The following TSHZ3 variants were observed in gnomAD, a reference collection of about 807,000 sequenced individuals.
The protein encoded by TSHZ3 is teashirt homolog 3.
A neutral mutation model predicts 64.5 loss-of-function variants in TSHZ3; 10 were observed. That is an observed-to-expected ratio of 0.16 (90% CI 0.10 to 0.26). The LOEUF is 0.26. TSHZ3 is among the 10% of genes least tolerant of loss of function. TSHZ3 has a pLI of 1.00. For missense variants in TSHZ3, 1,242 were observed against 1,421.7 expected, an observed-to-expected ratio of 0.87 and a Z score of 2.03; for synonymous variants, 608 against 593.1, an observed-to-expected ratio of 1.03 and a Z score of -0.36.
intron 1 of TSHZ3, among the ~76,000 whole-genome samples, chr19:31,328,335 C>T (rs1243815818): frequency 6.6e-6 from 1 of 152,234 alleles, no homozygotes; most frequent in Non-Finnish European, 1.5e-5. Context: ...TGGGTGTGTG[C>T]ATATAGCATC....
chr19:31,222,510 C>T (rs1223978087), intron 4 of TSHZ3, among the ~76,000 whole-genome samples: 1 of 152,182 alleles, frequency 6.6e-6, no homozygotes, highest in Admixed American at 6.5e-5. Context: ...TCTTCCTGTT[C>T]CCCAGTACTA....
intron 1 of TSHZ3, among the ~76,000 whole-genome samples, chr19:31,262,512 G>GT (rs1975992764): frequency 6.6e-6 from 1 of 152,064 alleles, no homozygotes; most frequent in South Asian, 2.1e-4. Context: ...AGTAAGATAG[G>GT]TTTTTAATGT....
chr19:31,241,027 C>A (rs1010393582), intron 3 of TSHZ3, among the ~76,000 whole-genome samples: 1 of 152,128 alleles, frequency 6.6e-6, no homozygotes, highest in Non-Finnish European at 1.5e-5. Context: ...ATTATATTTT[C>A]TTTATCCCTG....
chr19:31,238,250 C>T (rs565815345), intron 3 of TSHZ3, among the ~76,000 whole-genome samples: 5 of 148,408 alleles, frequency 3.4e-5, no homozygotes, highest in Non-Finnish European at 7.4e-5. Flanking sequence ...ATGTTTCCTT[C>T]GTGAATTTTT....
intron 4 of TSHZ3, among the ~76,000 whole-genome samples, chr19:31,214,357 A>T (rs1418709626): frequency 1.3e-5 from 2 of 152,228 alleles, no homozygotes; most frequent in Non-Finnish European, 2.9e-5. Flanking sequence ...TGCGCCAGCC[A>T]AGAGGAGCTA....
chr19:31,175,190 C>T (rs1974590479), intron 5 of TSHZ3, among the ~76,000 whole-genome samples: 1 of 152,166 alleles, frequency 6.6e-6, no homozygotes, highest in South Asian at 2.1e-4. Context: ...AGACACAGGT[C>T]AGTTTCCTGC....
intron 1 of TSHZ3, among the ~76,000 whole-genome samples, chr19:31,289,092 T>C (rs1466647633): frequency 1.3e-5 from 2 of 152,220 alleles, no homozygotes; most frequent in Non-Finnish European, 2.9e-5. Flanking sequence ...AAAGGACTTT[T>C]CTAAGTTAAA....
intron 1 of TSHZ3, among the ~76,000 whole-genome samples, chr19:31,312,797 G>A (rs1347897466): frequency 6.6e-6 from 1 of 152,090 alleles, no homozygotes; most frequent in East Asian, 1.9e-4. Context: ...GGTGCTATTG[G>A]TCTTTAACAC....
chr19:31,151,807 G>A (rs553903129), intron 6 of TSHZ3, among the ~76,000 whole-genome samples: 29 of 152,264 alleles, frequency 1.9e-4, no homozygotes, highest in East Asian at 5.8e-4. Flanking sequence ...TGAGACTGGC[G>A]TTATCAATGG....
chr19:31,202,383 G>T (rs1025352890), intron 5 of TSHZ3, among the ~76,000 whole-genome samples: 5 of 151,990 alleles, frequency 3.3e-5, no homozygotes, highest in Non-Finnish European at 5.9e-5. Context: ...ACATATATGT[G>T]TATATCAATA....
intron 5 of TSHZ3, among the ~76,000 whole-genome samples, chr19:31,189,437 T>G (rs1321088528): frequency 6.6e-6 from 1 of 152,028 alleles, no homozygotes; most frequent in East Asian, 1.9e-4. Flanking sequence ...GGTTGTATTT[T>G]CATTGTCAAT....
intron 5 of TSHZ3, among the ~76,000 whole-genome samples, chr19:31,189,968 C>G (rs1974876282): frequency 6.6e-6 from 1 of 152,062 alleles, no homozygotes; most frequent in Non-Finnish European, 1.5e-5. Flanking sequence ...CTTCTTAATA[C>G]AAGTAATAGC....
intron 1 of TSHZ3, among the ~76,000 whole-genome samples, chr19:31,344,811 G>A (rs949147187): frequency 6.6e-6 from 1 of 152,184 alleles, no homozygotes; most frequent in Non-Finnish European, 1.5e-5. Flanking sequence ...CTGAGCAGTC[G>A]CCTTTCATTC....
At chr19:31,237,023 C>G (rs955480228) in intron 3 of TSHZ3, among the ~76,000 whole-genome samples, 1 of 150,280 alleles carries the variant, frequency 6.7e-6, no homozygotes, top group Non-Finnish European at 1.5e-5. Flanking sequence ...GTGGCACATG[C>G]CTCTAATCCC....
At chr19:31,335,372 T>A (rs114884202) in intron 1 of TSHZ3, among the ~76,000 whole-genome samples, 1 of 152,148 alleles carries the variant, frequency 6.6e-6, no homozygotes, top group Non-Finnish European at 1.5e-5. Context: ...AATGGCCAGG[T>A]CTCACGGAAG....
intron 1 of TSHZ3, among the ~76,000 whole-genome samples, chr19:31,294,266 A>G (rs1267042348): frequency 6.6e-6 from 1 of 152,158 alleles, no homozygotes; most frequent in Non-Finnish European, 1.5e-5. Context: ...CACAGTATTC[A>G]GCCAACACTC....
Position 31,266,907 on chromosome 19 carries a change from T to C in TSHZ3, n.64-24032A>G, listed in dbSNP as rs371072968. 3.3e-5 allele frequency among the ~76,000 whole-genome samples: 5 copies of C among 152,086 alleles called. No homozygotes were observed. The South Asian group carries it at 8.3e-4, about 25-fold the overall frequency. On this transcript the variant is annotated intron_variant and non_coding_transcript_variant, in intron 1 of 6. Coordinates refer to the TSHZ3 transcript ENST00000651361. ...GGGCCAGCCCTCCAAAGCCCTCCCC[T>C]CTCTGCAAGCTCAAGTGGCATCCAT...
At chr19:31,304,868 G>T (rs768347317) in intron 1 of TSHZ3, among the ~76,000 whole-genome samples, 2 of 152,200 alleles carry the variant, frequency 1.3e-5, no homozygotes, top group African/African-American at 2.4e-5. Flanking sequence ...GCGATTCCCC[G>T]CAGCGCACTG....
chr19:31,200,585 G>A (rs563111755), intron 5 of TSHZ3, among the ~76,000 whole-genome samples: 11 of 152,278 alleles, frequency 7.2e-5, no homozygotes, highest in Middle Eastern at 6.8e-3. Context: ...GGGGAGGCAG[G>A]CGAACAGACG....
Sources: allele counts gnomAD v4.1 joint callset (sites outside exome capture counted in the v4.1 genomes callset), GRCh38; gene constraint gnomAD v4.1.1; transcripts MANE v1.5; gene names NCBI Gene and HGNC (gene_info 2026-07-23, HGNC 2026-07-21).